SGIP1: variants seen among roughly 807,000 people sequenced by gnomAD.
SGIP1 encodes SH3GL interacting endocytic adaptor 1.
A neutral mutation model predicts 107.5 loss-of-function variants in SGIP1; 38 were observed. The ratio of observed to expected loss-of-function variants is 0.35; its 90% CI spans 0.27 to 0.46. The LOEUF (loss-of-function observed/expected upper bound fraction) is 0.46, where lower values mean the gene tolerates loss of function less well. SGIP1 is among the 20% of genes least tolerant of loss of function. The pLI is 1.00. For synonymous variants in SGIP1, 365 were observed against 366.1 expected (o/e 1.00, Z 0.03); for missense variants, 929 against 1,019.5 (o/e 0.91, Z 1.21).
chr1:66,698,465 G>A (rs999042133), intron 18 of SGIP1, among the ~76,000 whole-genome samples: 4 of 145,796 alleles, frequency 2.7e-5, no homozygotes, highest in South Asian at 2.2e-4. Flanking sequence ...TGCAAGCTCC[G>A]CCTCCCGAGT....
At chr1:66,664,369 C>T (rs2082111352) in intron 8 of SGIP1, among the ~76,000 whole-genome samples, 1 of 152,102 alleles carries the variant, frequency 6.6e-6, no homozygotes, top group South Asian at 2.1e-4. Context: ...AGTAAATTGA[C>T]TAGAATAATA....
At chr1:66,568,017 G>C (rs573976214) in intron 1 of SGIP1, among the ~76,000 whole-genome samples, 44 of 152,242 alleles carry the variant, frequency 2.9e-4, no homozygotes, top group African/African-American at 9.9e-4. Context: ...GGAATTTAAA[G>C]TAGTTTTTTC....
At chr1:66,554,324 T>A (rs2057866517) in intron 1 of SGIP1, among the ~76,000 whole-genome samples, 1 of 152,170 alleles carries the variant, frequency 6.6e-6, no homozygotes, top group African/African-American at 2.4e-5. Context: ...CTTTTGAGAT[T>A]AGATGCTTTC....
intron 19 of SGIP1, among the ~76,000 whole-genome samples, chr1:66,720,289 AG>A (rs1351410054): frequency 6.6e-6 from 1 of 152,244 alleles, no homozygotes; most frequent in African/African-American, 2.4e-5. Context: ...TAAACAACTA[AG>A]TCAGACTTAT....
chr1:66,677,197 C>G (rs1216695970), intron 13 of SGIP1, 101 bp downstream of exon 13: 12 of 851,224 alleles, frequency 1.4e-5, no homozygotes, highest in Non-Finnish European at 2.3e-5. Context: ...ATGTAAGCAA[C>G]ATTAGAACTG....
chr1:66,750,021 CTGTGTGTGTGTGGGGGTG>C lies in SGIP1; in HGVS notation c.*6939_*6956del, dbSNP rs1296274269. Among the ~76,000 whole-genome samples, 1 of 137,622 alleles carries C rather than the reference CTGTGTGTGTGTGGGGGTG, an allele frequency of 7.3e-6. No individual in the cohort carries two copies. The highest frequency in any genetic ancestry group is 1.6e-5 in the Non-Finnish European group (1 of 64,122). 90.3% of individuals were successfully genotyped at this position (137,622 alleles called of 152,430 possible). On this transcript the variant is annotated 3_prime_UTR_variant, in exon 25 of 25. Coordinates refer to ENST00000371037, the MANE Select transcript of SGIP1 (RefSeq NM_032291.4). ...TCTCTCTCTCTCTCTCTCTCTTTCT[CTGTGTGTGTGTGGGGGTG>C]TGTGTGTGTGTGTGTGTGTGTGTGT... is the stretch of plus-strand genomic sequence containing the variant.
Position 66,748,612 on chromosome 1 carries a change from A to G in SGIP1, c.*5517A>G, listed in dbSNP as rs1401631014. Among the ~76,000 whole-genome samples, 1 of 152,006 alleles carries G rather than the reference A, an allele frequency of 6.6e-6. No homozygotes were observed. Among genetic ancestry groups the G allele is most frequent in the Non-Finnish European group, 1.5e-5 (1 of 67,880 alleles). ...TTTCTAACTGCCTCCTTCTATCCCTAGAGTAATACCTTGCCTACCTTAAAT... is the reference window on the plus strand; with the variant it reads ...TTTCTAACTGCCTCCTTCTATCCCTGGAGTAATACCTTGCCTACCTTAAAT... On this transcript the variant is annotated 3_prime_UTR_variant, in exon 25 of 25. Coordinates refer to ENST00000371037, the MANE Select transcript of SGIP1 (RefSeq NM_032291.4).
chr1:66,619,710 C>T (rs1570704275), intron 1 of SGIP1, among the ~76,000 whole-genome samples: 1 of 152,198 alleles, frequency 6.6e-6, no homozygotes, highest in Admixed American at 6.5e-5. Context: ...TTCTAGGAGA[C>T]AGCATCATGG....
chr1:66,536,184 C>T (rs1215281536), intron 1 of SGIP1, among the ~76,000 whole-genome samples: 8 of 152,202 alleles, frequency 5.3e-5, no homozygotes, highest in Non-Finnish European at 1.2e-4. Context: ...TGAATTAGCA[C>T]TATTGCTCTG....
chr1:66,557,747 C>T (rs2058388555), intron 1 of SGIP1, among the ~76,000 whole-genome samples: 1 of 152,116 alleles, frequency 6.6e-6, no homozygotes, highest in South Asian at 2.1e-4. Flanking sequence ...AGAAACTCAC[C>T]TATTGTTACC....
chr1:66,718,917 T>C (rs2093386815), intron 18 of SGIP1, among the ~76,000 whole-genome samples: 1 of 152,154 alleles, frequency 6.6e-6, no homozygotes, highest in African/African-American at 2.4e-5. Context: ...GGCAATTGAT[T>C]GGAATGAATG....
At position 66,750,045 on chromosome 1, in the gene SGIP1, G is replaced by A. The variant is rs2094605043; in HGVS notation, c.*6950G>A. ...TCTGTGTGTGTGTGGGGGTGTGTGTGTGTGTGTGTGTGTGTGTGTGTGTCT... is the reference window on the plus strand; with the variant it reads ...TCTGTGTGTGTGTGGGGGTGTGTGTATGTGTGTGTGTGTGTGTGTGTGTCT... On this transcript the variant is annotated 3_prime_UTR_variant, in exon 25 of 25. Transcript: ENST00000371037. Among the ~76,000 whole-genome samples the A allele has an allele frequency of 9.9e-6, 1 of 100,660 alleles. No homozygotes were observed. The highest frequency in any genetic ancestry group is 3.9e-5 in the African/African-American group (1 of 25,422). The allele number at this position is 100,660 out of a possible 152,430, so 66.0% of individuals were successfully genotyped here.
At chr1:66,669,387 C>T (rs954906639) in intron 9 of SGIP1, among the ~76,000 whole-genome samples, 8 of 152,170 alleles carry the variant, frequency 5.3e-5, no homozygotes, top group African/African-American at 1.9e-4. Flanking sequence ...ACCTCTGGGA[C>T]CTCCTGGCTT....
rs1553200170 is a variant in SGIP1, at chr1:66,750,001, C to CTCTCTCTTTA, written c.*6913_*6914insTTATCTCTCT. On this transcript the variant is annotated 3_prime_UTR_variant, in exon 25 of 25. Transcript: ENST00000371037. ...GGCTCCTATCTAATTCATATTCTCT[C>CTCTCTCTTTA]TCTCTCTCTCTCTCTTTCTCTGTGT... Among the ~76,000 whole-genome samples the CTCTCTCTTTA allele has an allele frequency of 4.3e-5, 3 of 69,202 alleles. No homozygotes were observed. The highest frequency in any genetic ancestry group is 3.7e-4 in the South Asian group (1 of 2,674). The allele number at this position is 69,202 out of a possible 152,430, so 45.4% of individuals were successfully genotyped here.
intron 1 of SGIP1, among the ~76,000 whole-genome samples, chr1:66,564,309 T>A (rs2059362294): frequency 6.6e-6 from 1 of 151,906 alleles, no homozygotes; most frequent in Non-Finnish European, 1.5e-5. Context: ...CATTGACTCT[T>A]CTATAATTCA....
At chr1:66,619,149 C>G (rs560401345) in intron 1 of SGIP1, among the ~76,000 whole-genome samples, 1 of 152,272 alleles carries the variant, frequency 6.6e-6, no homozygotes, top group South Asian at 2.1e-4. Flanking sequence ...CTAGAGCTGG[C>G]TTTGTTCCTA....
intron 1 of SGIP1, among the ~76,000 whole-genome samples, chr1:66,587,265 C>T (rs972313864): frequency 6.6e-6 from 1 of 152,008 alleles, no homozygotes; most frequent in African/African-American, 2.4e-5. Context: ...CTTATTTCTT[C>T]ATCTACTTTT....
At chr1:66,637,518 T>C (rs528680623) in intron 4 of SGIP1, among the ~76,000 whole-genome samples, 27 of 151,584 alleles carry the variant, frequency 1.8e-4, no homozygotes, top group Non-Finnish European at 3.1e-4. Context: ...TAATGTATTG[T>C]TATGATTTGT....
intron 1 of SGIP1, among the ~76,000 whole-genome samples, chr1:66,620,401 C>A (rs537664697): frequency 1.3e-5 from 2 of 152,158 alleles, no homozygotes; most frequent in South Asian, 2.1e-4. Flanking sequence ...AGATACTACC[C>A]AAGACTGGGT....
Sources: allele counts gnomAD v4.1 joint callset (sites outside exome capture counted in the v4.1 genomes callset), GRCh38; gene constraint gnomAD v4.1.1; transcripts MANE v1.5; gene names NCBI Gene and HGNC (gene_info 2026-07-23, HGNC 2026-07-21).